Variants in ERBB4 observed in about 807,000 individuals in gnomAD.
ERBB4 encodes erb-b2 receptor tyrosine kinase 4.
A neutral mutation model predicts 158.0 loss-of-function variants in ERBB4; 42 were observed. The observed-to-expected ratio is 0.27, with a 90% CI of 0.21 to 0.34. The LOEUF (loss-of-function observed/expected upper bound fraction) is 0.34, where lower values mean the gene tolerates loss of function less well. ERBB4 is among the 10% of genes least tolerant of loss of function. ERBB4 has a pLI of 1.00. For missense variants in ERBB4, 1,333 were observed against 1,624.1 expected (o/e 0.82, Z 3.08); for synonymous variants, 583 against 558.7 (o/e 1.04, Z -0.61).
chr2:211,416,051 G>A (rs571152668), intron 25 of ERBB4, among the ~76,000 whole-genome samples: 2 of 152,280 alleles, frequency 1.3e-5, no homozygotes, highest in East Asian at 3.9e-4. Flanking sequence ...AGAGTTAGCT[G>A]ATATGTTTTG....
chr2:211,502,246 C>A (rs907591613), intron 20 of ERBB4, among the ~76,000 whole-genome samples: 3 of 152,094 alleles, frequency 2.0e-5, no homozygotes, highest in African/African-American at 7.2e-5. Flanking sequence ...TAACATACTT[C>A]TATGGCTTCT....
In ERBB4 at chr2:211,558,610, A is replaced by C. The variant is rs909748184; in HGVS notation, c.2487+3293T>G. 3.2e-4 allele frequency among the ~76,000 whole-genome samples: 49 copies of C among 152,284 alleles called. 1 individual carries two copies. Among genetic ancestry groups the C allele is most frequent in the African/African-American group, 1.1e-3 (46 of 41,554 alleles). On this transcript the variant is annotated intron_variant, in intron 20 of 27. Coordinates refer to ENST00000342788, the MANE Select transcript of ERBB4 (RefSeq NM_005235.3). ...CATTCTTTTTGCACATGAGAAAAAA[A>C]TATAGTAATTATTAATACCACTATA...
At chr2:212,115,894 G>A (rs1452737869) in intron 2 of ERBB4, among the ~76,000 whole-genome samples, 3 of 151,878 alleles carry the variant, frequency 2.0e-5, no homozygotes, top group Admixed American at 2.0e-4. Context: ...ACAATGCCCA[G>A]AGGTATAAAG....
At chr2:212,180,468 G>A (rs376712397) in intron 1 of ERBB4, among the ~76,000 whole-genome samples, 1 of 151,628 alleles carries the variant, frequency 6.6e-6, no homozygotes, top group African/African-American at 2.4e-5. Flanking sequence ...CAGTTTAGCT[G>A]TAAGCTAACA....
chr2:211,846,440 C>T (rs1461373916), intron 3 of ERBB4, among the ~76,000 whole-genome samples: 2 of 152,010 alleles, frequency 1.3e-5, no homozygotes, highest in African/African-American at 4.8e-5. Context: ...AATATTTTTC[C>T]ACTCTGTAAA....
intron 16 of ERBB4, among the ~76,000 whole-genome samples, chr2:211,644,505 G>T (rs1215204704): frequency 6.6e-6 from 1 of 151,788 alleles, no homozygotes; most frequent in Non-Finnish European, 1.5e-5. Context: ...ATAATATAAT[G>T]CCAAGACAAC....
chr2:212,193,996 C>T (rs1031682060), intron 1 of ERBB4, among the ~76,000 whole-genome samples: 5 of 151,896 alleles, frequency 3.3e-5, no homozygotes, highest in Non-Finnish European at 7.4e-5. Flanking sequence ...TTCAATAAAA[C>T]AGTACAGCTG....
At position 212,321,853 on chromosome 2, in the gene ERBB4, C is replaced by A. The variant is rs79184224; in HGVS notation, c.83-196950G>T. 3.6e-3 allele frequency among the ~76,000 whole-genome samples: 541 copies of A among 150,414 alleles called. 30 individuals carry two copies. The highest frequency in any genetic ancestry group is 0.014 in the Middle Eastern group (4 of 294). On this transcript the variant is annotated intron_variant, in intron 1 of 27. Transcript: ENST00000342788. ...CTCGGTATCATTCATGGAATACCCA[C>A]CAAGACATACATTCTTCATAATTTC...
At chr2:212,320,232 A>T (rs10181347) in intron 1 of ERBB4, among the ~76,000 whole-genome samples, 82,503 of 117,332 alleles carry the variant, frequency 0.7, 25,527 homozygotes, top group African/African-American at 0.72. Context: ...TCATACTTTT[A>T]TTTTTTTCCT....
At chr2:211,503,445 G>C (rs1574623076) in intron 20 of ERBB4, among the ~76,000 whole-genome samples, 1 of 152,214 alleles carries the variant, frequency 6.6e-6, no homozygotes, top group East Asian at 1.9e-4. Flanking sequence ...TGCCAGCCTG[G>C]TTGTTACCGC....
intron 1 of ERBB4, among the ~76,000 whole-genome samples, chr2:212,467,986 T>A (rs962920011): frequency 4.6e-5 from 7 of 152,226 alleles, no homozygotes; most frequent in African/African-American, 1.7e-4. Context: ...TTTAAAGCTG[T>A]AAGATTTGAC....
At chr2:211,653,386 A>G (rs1236326691) in intron 16 of ERBB4, among the ~76,000 whole-genome samples, 1 of 152,186 alleles carries the variant, frequency 6.6e-6, no homozygotes, top group Admixed American at 6.5e-5. Context: ...GGCTTGGGAA[A>G]GAATAACATT....
At chr2:211,434,676 C>T (rs1222218981) in intron 20 of ERBB4, among the ~76,000 whole-genome samples, 2 of 152,166 alleles carry the variant, frequency 1.3e-5, no homozygotes, top group Non-Finnish European at 2.9e-5. Flanking sequence ...AAGTGATAGA[C>T]TATCCTGAAG....
At chr2:211,514,760 G>A (rs1011174937) in intron 20 of ERBB4, among the ~76,000 whole-genome samples, 14 of 152,236 alleles carry the variant, frequency 9.2e-5, no homozygotes, top group Admixed American at 7.8e-4. Flanking sequence ...CAGGTTTCCT[G>A]GGATTTTGAA....
At chr2:211,608,553 G>C (rs1320287251) in intron 19 of ERBB4, among the ~76,000 whole-genome samples, 1 of 152,130 alleles carries the variant, frequency 6.6e-6, no homozygotes, top group East Asian at 1.9e-4. Context: ...GCCCAATATA[G>C]ATACAAAGAA....
intron 2 of ERBB4, among the ~76,000 whole-genome samples, chr2:212,006,214 G>A (rs1448258732): frequency 6.6e-6 from 1 of 151,902 alleles, no homozygotes; most frequent in East Asian, 1.9e-4. Context: ...ATTATTCTTT[G>A]AGAAAAAATA....
At chr2:211,863,460 T>G (rs12694254) in intron 3 of ERBB4, among the ~76,000 whole-genome samples, 52,333 of 152,084 alleles carry the variant, frequency 0.34, 9,325 homozygotes, top group South Asian at 0.41. Flanking sequence ...TCACTTTTTG[T>G]GTCCGCACTA....
chr2:211,787,415 G>A (rs1200085215), intron 4 of ERBB4, among the ~76,000 whole-genome samples: 1 of 152,060 alleles, frequency 6.6e-6, no homozygotes, highest in Non-Finnish European at 1.5e-5. Flanking sequence ...ATTCTTTGTG[G>A]TAGAAAGAAT....
At chr2:211,633,757 G>C (rs3863853) in intron 16 of ERBB4, among the ~76,000 whole-genome samples, 12,615 of 149,814 alleles carry the variant, frequency 0.084, 606 homozygotes, top group East Asian at 0.19. Flanking sequence ...TAGACATATA[G>C]GAACCTCTAT....
Sources: gnomAD v4.1 joint callset for allele counts (sites outside exome capture counted in the v4.1 genomes callset) on GRCh38, gnomAD v4.1.1 for gene constraint, MANE v1.5 for transcripts, NCBI Gene and HGNC (gene_info 2026-07-23, HGNC 2026-07-21) for gene names.